Variants in DRC8 observed in about 807,000 individuals in gnomAD.
DRC8 encodes dynein regulatory complex subunit 8.
the DRC8 span, among the ~76,000 whole-genome samples, chr1:245,093,885 G>C: frequency 8.7e-4 from 133 of 152,138 alleles, no homozygotes; most frequent in Admixed American, 1.5e-3. Flanking sequence ...CACACGCCCC[G>C]GCATTAAGTT....
chr1:244,996,086 G>C, the DRC8 span, among the ~76,000 whole-genome samples: 13,766 of 152,262 alleles, frequency 0.09, 832 homozygotes, highest in East Asian at 0.25. Context: ...CAGGAATCTA[G>C]AAGTTGTTTA....
chr1:245,005,554 G>A, the DRC8 span, among the ~76,000 whole-genome samples: 1 of 151,954 alleles, frequency 6.6e-6, no homozygotes, highest in Admixed American at 6.6e-5. Context: ...TGTTGGTCAG[G>A]CTGGCCTTGA....
chr1:244,970,814 C>T, the DRC8 span: 5 of 349,376 alleles, frequency 1.4e-5, no homozygotes, highest in East Asian at 4.9e-5. Context: ...GGCCTTGCAT[C>T]CTGCGCGGGC....
At chr1:244,999,819 G>A in the DRC8 span, among the ~76,000 whole-genome samples, 3 of 146,636 alleles carry the variant, frequency 2.0e-5, no homozygotes, top group Non-Finnish European at 4.4e-5. Flanking sequence ...TTTTTGTTTT[G>A]TTTGTTTTTT....
At chr1:245,003,442 T>C in the DRC8 span, among the ~76,000 whole-genome samples, 1 of 152,246 alleles carries the variant, frequency 6.6e-6, no homozygotes, top group Non-Finnish European at 1.5e-5. Context: ...GTTAAGTAAC[T>C]TGCCCAAGGT....
At chr1:244,998,820 A>G in the DRC8 span, among the ~76,000 whole-genome samples, 1 of 152,134 alleles carries the variant, frequency 6.6e-6, no homozygotes, top group Non-Finnish European at 1.5e-5. Flanking sequence ...TGCCATTCCC[A>G]TAAATAATTT....
chr1:245,053,639 AT>A, the DRC8 span, among the ~76,000 whole-genome samples: 1 of 152,236 alleles, frequency 6.6e-6, no homozygotes, highest in African/African-American at 2.4e-5. Flanking sequence ...CAGCAAAAGA[AT>A]CTTTGCCTTT....
the DRC8 span, among the ~76,000 whole-genome samples, chr1:244,991,825 G>A: frequency 2.0e-5 from 3 of 152,170 alleles, no homozygotes; most frequent in African/African-American, 7.2e-5. Flanking sequence ...TATGTTTTAA[G>A]TAATTTTCAT....
At chr1:245,043,730 C>G in the DRC8 span, among the ~76,000 whole-genome samples, 1,277 of 152,286 alleles carry the variant, frequency 8.4e-3, 20 homozygotes, top group African/African-American at 0.029. Context: ...GGGACGGCCC[C>G]AGGAAGGCCT....
At chr1:245,078,787 A>G in the DRC8 span, among the ~76,000 whole-genome samples, 3 of 152,236 alleles carry the variant, frequency 2.0e-5, no homozygotes, top group East Asian at 5.8e-4. Flanking sequence ...CTTGAAATTT[A>G]CTAAGAGAGT....
the DRC8 span, among the ~76,000 whole-genome samples, chr1:245,098,808 C>T: frequency 2.0e-5 from 3 of 152,140 alleles, no homozygotes; most frequent in Non-Finnish European, 4.4e-5. Flanking sequence ...GGGTCAAGGC[C>T]GGGCCTGACT....
chr1:245,029,440 G>T, the DRC8 span, among the ~76,000 whole-genome samples: 17 of 152,104 alleles, frequency 1.1e-4, no homozygotes, highest in African/African-American at 4.1e-4. Context: ...TGGGATTACA[G>T]GCACCCGCCA....
At chr1:245,100,790 A>AAATAATAAT in the DRC8 span, among the ~76,000 whole-genome samples, 7 of 150,558 alleles carry the variant, frequency 4.6e-5, no homozygotes, top group African/African-American at 1.5e-4. Flanking sequence ...TCAACAAAAT[A>AAATAATAAT]AATAATAATA....
the DRC8 span, among the ~76,000 whole-genome samples, chr1:245,003,957 T>C: frequency 1.6e-4 from 24 of 152,036 alleles, no homozygotes; most frequent in African/African-American, 5.8e-4. Context: ...CTTGAACTCC[T>C]GGGCCCAAGC....
the DRC8 span, among the ~76,000 whole-genome samples, chr1:244,998,980 G>T: frequency 6.8e-6 from 1 of 146,268 alleles, no homozygotes; most frequent in Non-Finnish European, 1.5e-5. Flanking sequence ...CTTACTTAGT[G>T]AGAAGGTAGA....
chr1:245,023,466 C>T, the DRC8 span, among the ~76,000 whole-genome samples: 43 of 152,324 alleles, frequency 2.8e-4, no homozygotes, highest in Admixed American at 8.5e-4. Context: ...TTTTCCACAG[C>T]GGCTGCGCCA....
chr1:245,017,118 C>A, the DRC8 span: 2 of 879,744 alleles, frequency 2.3e-6, no homozygotes, highest in Non-Finnish European at 3.4e-6. Context: ...CTAAATGATA[C>A]ATAAATATAA....
the DRC8 span, among the ~76,000 whole-genome samples, chr1:245,088,723 TC>T: frequency 6.6e-6 from 1 of 152,174 alleles, no homozygotes; most frequent in African/African-American, 2.4e-5. The surrounding 1 kb of genome is among the most constrained non-coding windows in gnomAD (Gnocchi z 4.6). Context: ...GGAGAAGGCT[TC>T]CCAGGACAGG....
the DRC8 span, among the ~76,000 whole-genome samples, chr1:245,099,671 C>T: frequency 6.6e-6 from 1 of 152,210 alleles, no homozygotes; most frequent in Non-Finnish European, 1.5e-5. Flanking sequence ...GGACTCAAAG[C>T]ACACGCTGAT....
Sources: gnomAD v4.1 joint callset for allele counts (sites outside exome capture counted in the v4.1 genomes callset) on GRCh38, gnomAD v4.1.1 for gene constraint, Gnocchi (gnomAD v3.1) non-coding constraint, MANE v1.5 for transcripts, NCBI Gene and HGNC (gene_info 2026-07-23, HGNC 2026-07-21) for gene names.